GNL3L: variants seen among roughly 807,000 people sequenced by gnomAD.
The protein encoded by GNL3L is guanine nucleotide-binding protein-like 3-like protein.
A neutral mutation model predicts 42.9 loss-of-function variants in GNL3L; 4 were observed. That is an observed-to-expected ratio of 0.09 (90% confidence interval 0.05 to 0.21). The LOEUF is 0.21. GNL3L is among the 10% of genes least tolerant of loss of function. The pLI, the probability that GNL3L is intolerant of heterozygous loss-of-function variation, is 1.00. For missense variants in GNL3L, 412 were observed against 481.7 expected (o/e 0.86, Z 1.36); for synonymous variants, 159 against 176.3 (o/e 0.90, Z 0.78).
chrX:54,555,633 A>ATTTTTTTTT (rs759334820), intron 14 of GNL3L, among the ~76,000 whole-genome samples: 3 of 66,395 alleles, frequency 4.5e-5, no homozygotes, highest in Non-Finnish European at 7.9e-5. Context: ...ACCATGCCTA[A>ATTTTTTTTT]TTTTTTTTTT....
intron 16 of GNL3L, among the ~76,000 whole-genome samples, chrX:54,616,546 CTACTTT>C (rs1926222124): frequency 8.9e-6 from 1 of 112,106 alleles, no homozygotes; most frequent in South Asian, 3.7e-4. Context: ...AAAATTATTT[CTACTTT>C]TAAGTAGTTT....
At chrX:54,613,347 T>G (rs1926183926) in intron 16 of GNL3L, among the ~76,000 whole-genome samples, 1 of 111,831 alleles carries the variant, frequency 8.9e-6, no homozygotes, top group Non-Finnish European at 1.9e-5. Flanking sequence ...TTGTATCATG[T>G]TTTTGGATTT....
intron 16 of GNL3L, among the ~76,000 whole-genome samples, chrX:54,601,005 A>G (rs1925999873): frequency 8.9e-6 from 1 of 112,636 alleles, no homozygotes; most frequent in Non-Finnish European, 1.9e-5. Flanking sequence ...ACAATGGAAT[A>G]TTATTCAGCA....
intron 8 of GNL3L, 55 bp from the exon 9 acceptor site, chrX:54,548,174 C>T: frequency 9.2e-7 from 1 of 1,084,541 alleles, no homozygotes. Context: ...AATCTGGGCT[C>T]AGACCTCATC....
rs1925384738 is a variant in GNL3L, at chrX:54,564,963, G to T, written c.*4361G>T. Among the ~76,000 whole-genome samples the T allele has an allele frequency of 9.2e-6, 1 of 108,148 alleles. No homozygotes were observed. Among genetic ancestry groups the T allele is most frequent in the African/African-American group, 3.4e-5 (1 of 29,659 alleles). The allele number at this position is 108,148 out of a possible 115,157, so 93.9% of individuals were successfully genotyped here. A position where few individuals can be genotyped will look rare whatever the true frequency, so the allele number is the denominator to read the frequency against. ...CTGGCCAGGCTGGTCTTGAACTTCT[G>T]ACCTCAAAAGATCCACCCACCTCGG... On this transcript the variant is annotated 3_prime_UTR_variant, in exon 16 of 16. Transcript: ENST00000360845.
the GNL3L span, among the ~76,000 whole-genome samples, chrX:54,637,700 A>T: frequency 8.9e-6 from 1 of 112,616 alleles, no homozygotes; most frequent in African/African-American, 3.2e-5. Context: ...GATATGTATA[A>T]ATCAGGGAAA....
chrX:54,568,735 A>T (rs942638582), downstream of GNL3L, among the ~76,000 whole-genome samples: 2 of 111,193 alleles, frequency 1.8e-5, no homozygotes, highest in African/African-American at 6.5e-5. Context: ...TTGTATTTTT[A>T]GTAGAGATGG....
chrX:54,587,696 T>A (rs1311945423), intron 16 of GNL3L, among the ~76,000 whole-genome samples: 5 of 109,787 alleles, frequency 4.6e-5, no homozygotes, highest in Non-Finnish European at 9.5e-5. Context: ...TCTTTTTTCT[T>A]TTTAGACGGA....
intron 5 of GNL3L, among the ~76,000 whole-genome samples, chrX:54,542,668 G>A (rs983136059): frequency 8.9e-6 from 1 of 111,789 alleles, no homozygotes; most frequent in African/African-American, 3.3e-5. Context: ...TTGAGGAATC[G>A]CCACACTGTC....
Position 54,573,854 on chromosome X carries a change from CTT to C in GNL3L, c.*45+13221_*45+13222del, listed in dbSNP as rs59536536. On this transcript the variant is annotated intron_variant, in intron 16 of 16. Transcript: ENST00000674498. ...TCTCATTATGGGTCATATTTTTCTG[CTT>C]TTTTTTTTTTTTTGCATAACCAGTA... Among the ~76,000 whole-genome samples the C allele has an allele frequency of 8.3e-3, 758 of 91,728 alleles. 3 individuals carry two copies. The highest frequency in any genetic ancestry group is 0.013 in the Non-Finnish European group (586 of 45,611). The allele number at this position is 91,728 out of a possible 115,157, so 79.7% of individuals were successfully genotyped here. A position where few individuals can be genotyped will look rare whatever the true frequency, so the allele number is the denominator to read the frequency against.
the GNL3L span, among the ~76,000 whole-genome samples, chrX:54,627,403 T>G: frequency 1.8e-5 from 2 of 111,667 alleles, no homozygotes; most frequent in Non-Finnish European, 3.8e-5. Context: ...TCTTTTTTTT[T>G]TCAGTTTGTC....
chrX:54,554,792 A>G (rs1028259082), intron 14 of GNL3L, 100 bp downstream of exon 14: 18 of 731,005 alleles, frequency 2.5e-5, no homozygotes, highest in Non-Finnish European at 3.7e-5. Context: ...AGATGTGGGT[A>G]GTTCACTCGC....
chrX:54,547,431 G>A (rs764969587), intron 8 of GNL3L, among the ~76,000 whole-genome samples: 75 of 111,357 alleles, frequency 6.7e-4, no homozygotes, highest in African/African-American at 2.4e-3. Flanking sequence ...GTGGCTGGGC[G>A]TGGTGGCTCA....
rs773048709 is a variant in GNL3L at position 54,618,412 on chromosome X, C to T, written c.*46-2433C>T. On this transcript the variant is annotated intron_variant, in intron 16 of 16. Transcript: ENST00000674498. ...GTCAGCCCTTTCCTTCGAAGTCTTA[C>T]GAATTCTCTCTTTTCAACAGATCCA... is the stretch of plus-strand genomic sequence containing the variant. Among the ~76,000 whole-genome samples the T allele has an allele frequency of 4.5e-5, 5 of 111,650 alleles. No homozygotes were observed. In the East Asian group the frequency reaches 1.1e-3, roughly 25 times the overall value.
chrX:54,622,226 C>T (rs918336330), downstream of GNL3L, among the ~76,000 whole-genome samples: 33 of 105,832 alleles, frequency 3.1e-4, no homozygotes, highest in African/African-American at 1.1e-3. Flanking sequence ...ATATCTAAGT[C>T]CTTTTCTCCT....
the GNL3L span, among the ~76,000 whole-genome samples, chrX:54,643,358 G>A: frequency 3.6e-5 from 4 of 110,985 alleles, no homozygotes; most frequent in Non-Finnish European, 5.7e-5. Flanking sequence ...GTCTTTGCTT[G>A]TGGTATATGC....
chrX:54,640,540 C>T, the GNL3L span, among the ~76,000 whole-genome samples: 1 of 112,280 alleles, frequency 8.9e-6, no homozygotes. Context: ...CCACAATTCA[C>T]TTAACCCTTC....
intron 7 of GNL3L, chrX:54,543,999 C>T (rs771783980): frequency 1.2e-4 from 41 of 329,039 alleles, no homozygotes; most frequent in Non-Finnish European, 2.2e-4. Flanking sequence ...TGTCCATTTT[C>T]CCTGAGGGAA....
the GNL3L span, among the ~76,000 whole-genome samples, chrX:54,637,302 T>C: frequency 2.2e-4 from 25 of 111,875 alleles, no homozygotes; most frequent in Non-Finnish European, 4.7e-4. Flanking sequence ...CTTGACTTGG[T>C]AATTGTCTGT....
Sources: gnomAD v4.1 joint callset for allele counts (sites outside exome capture counted in the v4.1 genomes callset) on GRCh38, gnomAD v4.1.1 for gene constraint, MANE v1.5 for transcripts, NCBI Gene and HGNC (gene_info 2026-07-23, HGNC 2026-07-21) for gene names.